The following DGKB variants were observed in gnomAD, a reference collection of about 807,000 sequenced individuals.
DGKB encodes the protein diacylglycerol kinase beta.
Under a neutral mutation model 114.3 loss-of-function variants are expected in DGKB, and 67 were observed. That is an observed-to-expected ratio of 0.59 (90% CI 0.48 to 0.72). The LOEUF (loss-of-function observed/expected upper bound fraction) is 0.72, where lower values mean the gene tolerates loss of function less well. Among genes scored for constraint, DGKB ranks in the 30% least tolerant of loss-of-function variants. The pLI is 0.00. For synonymous variants in DGKB, 398 were observed against 323.1 expected, an observed-to-expected ratio of 1.23 and a Z score of -2.49; for missense variants, 907 against 975.2, an observed-to-expected ratio of 0.93 and a Z score of 0.93.
Position 14,693,991 on chromosome 7 carries a change from G to C in DGKB, c.711+84C>G, listed in dbSNP as rs578204596. 4 of 1,464,112 alleles carry C rather than the reference G, an allele frequency of 2.7e-6. No individual in the cohort carries two copies. The African/African-American group carries it at 5.7e-5, about 21-fold the overall frequency. The allele number at this position is 1,464,112 out of a possible 1,614,324, so 90.7% of individuals were successfully genotyped here. A position where few individuals can be genotyped will look rare whatever the true frequency, so the allele number is the denominator to read the frequency against. On this transcript the variant is annotated intron_variant, in intron 9 of 25. Coordinates refer to ENST00000402815, the MANE Select transcript of DGKB (RefSeq NM_001350709.2). Reference sequence around the variant, plus strand: ...ACTGCATGCTTAATGGTAGAAAATGGTCACATCAATCTGTAATCAAAATGT... The same window carrying C: ...ACTGCATGCTTAATGGTAGAAAATGCTCACATCAATCTGTAATCAAAATGT...
At chr7:14,889,673 T>C (rs1780875560) in intron 1 of DGKB, among the ~76,000 whole-genome samples, 1 of 151,354 alleles carries the variant, frequency 6.6e-6, no homozygotes, top group South Asian at 2.1e-4. Context: ...TTCATAGGGA[T>C]CAATAGTTTA....
At chr7:14,911,562 T>C (rs7784957) in intron 1 of DGKB, among the ~76,000 whole-genome samples, 21,609 of 152,184 alleles carry the variant, frequency 0.14, 1,612 homozygotes, top group Admixed American at 0.2. Flanking sequence ...TATTAACTAC[T>C]CAAGTGTAAA....
chr7:14,384,130 C>G (rs549313149), intron 21 of DGKB, among the ~76,000 whole-genome samples: 1 of 152,068 alleles, frequency 6.6e-6, no homozygotes, highest in Non-Finnish European at 1.5e-5. Flanking sequence ...GAGAAACAGT[C>G]CAAGCTAATT....
rs182929345 is a variant in DGKB, at chr7:14,962,487, G to A, written c.-188+12209C>T. On this transcript the variant is annotated intron_variant, in intron 1 of 4. Transcript: ENST00000437998. ...TATGTGTTCATATTTATAAATAGAC[G>A]CTTTTCATCATGATCCTGATAGGTC... Among the ~76,000 whole-genome samples, 48 of 152,098 alleles carry A rather than the reference G, an allele frequency of 3.2e-4. 1 individual carries two copies. Among genetic ancestry groups the A allele is most frequent in the African/African-American group, 1.1e-3 (45 of 41,522 alleles).
intron 20 of DGKB, among the ~76,000 whole-genome samples, chr7:14,478,463 C>T (rs1299503387): frequency 6.6e-6 from 1 of 152,106 alleles, no homozygotes; most frequent in Non-Finnish European, 1.5e-5. Flanking sequence ...GTTACATTTA[C>T]ATCTAAGACT....
intron 1 of DGKB, among the ~76,000 whole-genome samples, chr7:14,887,478 C>A (rs755190586): frequency 8.6e-5 from 13 of 151,766 alleles, no homozygotes; most frequent in Middle Eastern, 3.2e-3. Flanking sequence ...TACACTCAGT[C>A]CCTAAGGGGT....
intron 23 of DGKB, among the ~76,000 whole-genome samples, chr7:14,299,145 C>A (rs1803075725): frequency 1.3e-5 from 2 of 152,056 alleles, no homozygotes; most frequent in Non-Finnish European, 2.9e-5. Context: ...TAATAGTAAC[C>A]AATCCTCATA....
At chr7:14,564,192 C>T (rs1026750870) in intron 20 of DGKB, among the ~76,000 whole-genome samples, 9 of 152,124 alleles carry the variant, frequency 5.9e-5, no homozygotes, top group African/African-American at 2.2e-4. Flanking sequence ...CTGTATTCTC[C>T]CCTAGGTGGC....
chr7:14,919,896 T>G (rs1784432572), intron 1 of DGKB, among the ~76,000 whole-genome samples: 1 of 152,148 alleles, frequency 6.6e-6, no homozygotes, highest in Non-Finnish European at 1.5e-5. Flanking sequence ...TCCTGCACCA[T>G]GATTGTAAGT....
In DGKB at chr7:14,521,224, G is replaced by A. The variant is rs142647556; in HGVS notation, c.1771-42999C>T. ...ACAAAAATAGAAGCATAGACCAATG[G>A]AACAGAATAGAGAGCCCAGAAGTAA... is the stretch of plus-strand genomic sequence containing the variant. On this transcript the variant is annotated intron_variant, in intron 20 of 25. Transcript: ENST00000402815. Among the ~76,000 whole-genome samples the A allele has an allele frequency of 4.1e-4, 63 of 152,208 alleles. No individual in the cohort carries two copies. In the East Asian group the frequency reaches 0.012, roughly 28 times the overall value.
At chr7:14,339,380 T>TAGG (rs3067652) in intron 22 of DGKB, among the ~76,000 whole-genome samples, 134,342 of 151,524 alleles carry the variant, frequency 0.89, 59,853 homozygotes, top group African/African-American at 0.97. Context: ...TTGAGGGAAA[T>TAGG]AGTAGCAGTC....
chr7:14,743,324 G>A (rs1455489765), intron 4 of DGKB, among the ~76,000 whole-genome samples: 1 of 152,178 alleles, frequency 6.6e-6, no homozygotes, highest in Non-Finnish European at 1.5e-5. Flanking sequence ...GAAGACAGGA[G>A]ACAAACTGTT....
At chr7:14,925,734 A>G (rs1420101551) in intron 1 of DGKB, among the ~76,000 whole-genome samples, 1 of 152,100 alleles carries the variant, frequency 6.6e-6, no homozygotes, top group Non-Finnish European at 1.5e-5. Context: ...GTTATTTTAT[A>G]TTTTGATCTT....
intron 19 of DGKB, among the ~76,000 whole-genome samples, chr7:14,575,738 T>C (rs1172005055): frequency 6.6e-6 from 1 of 152,204 alleles, no homozygotes; most frequent in Non-Finnish European, 1.5e-5. Flanking sequence ...AATGATTATT[T>C]TGAGTCGGAA....
chr7:14,587,720 G>C (rs996670976), intron 17 of DGKB, among the ~76,000 whole-genome samples: 1 of 152,056 alleles, frequency 6.6e-6, no homozygotes, highest in African/African-American at 2.4e-5. Context: ...TTAAAATCAA[G>C]GCTAAACTCT....
At chr7:14,959,138 G>C (rs1786691003) in intron 1 of DGKB, among the ~76,000 whole-genome samples, 1 of 151,782 alleles carries the variant, frequency 6.6e-6, no homozygotes, top group South Asian at 2.1e-4. Context: ...TTCTCATTTA[G>C]GAATATTGAA....
At chr7:14,904,040 A>C (rs1396351829), upstream of DGKB, among the ~76,000 whole-genome samples, 2 of 152,182 alleles carry the variant, frequency 1.3e-5, no homozygotes, top group African/African-American at 4.8e-5. Context: ...TGCTCTCATT[A>C]ATCTCCAACA....
chr7:14,160,214 C>G (rs578155526), intron 25 of DGKB, among the ~76,000 whole-genome samples: 1 of 152,030 alleles, frequency 6.6e-6, no homozygotes, highest in East Asian at 1.9e-4. Flanking sequence ...AAAACTGGCA[C>G]AAGTCAAAGA....
At chr7:14,361,992 T>C (rs1007085726) in intron 21 of DGKB, among the ~76,000 whole-genome samples, 1 of 152,040 alleles carries the variant, frequency 6.6e-6, no homozygotes, top group Admixed American at 6.6e-5. Context: ...AGTCTGAATC[T>C]AGATACAGTA....
Sources: gnomAD v4.1 joint callset for allele counts (sites outside exome capture counted in the v4.1 genomes callset) on GRCh38, gnomAD v4.1.1 for gene constraint, MANE v1.5 for transcripts, NCBI Gene and HGNC (gene_info 2026-07-23, HGNC 2026-07-21) for gene names.